Variants in PRKCD observed in about 807,000 individuals in gnomAD.
PRKCD encodes protein kinase C delta type.
In PRKCD, 20 loss-of-function variants were observed where a neutral mutation model predicts 82.2. The observed-to-expected ratio is 0.24, with a 90% CI of 0.17 to 0.35. PRKCD has a LOEUF of 0.35. Among genes scored for constraint, PRKCD ranks in the 10% least tolerant of loss-of-function variants. The probability of loss-of-function intolerance (pLI) is 1.00; values close to 1 mark genes in which losing one functional copy is unlikely to be tolerated. For synonymous variants in PRKCD, 317 were observed against 337.0 expected (o/e 0.94, Z 0.65); for missense variants, 607 against 899.0 (o/e 0.68, Z 4.15).
At chr3:53,186,428 T>A (rs6793352) in intron 13 of PRKCD, 88 bp downstream of exon 13, 3 of 1,549,734 alleles carry the variant, frequency 1.9e-6, no homozygotes, top group East Asian at 4.5e-5. Context: ...GTGTCTCCCC[T>A]TCAGGCCACT....
intron 2 of PRKCD, among the ~76,000 whole-genome samples, chr3:53,170,649 T>G (rs1432264567): frequency 1.3e-5 from 2 of 152,266 alleles, no homozygotes; most frequent in South Asian, 2.1e-4. Flanking sequence ...CAGCCTAGCC[T>G]GACACCAGCT....
intron 2 of PRKCD, among the ~76,000 whole-genome samples, chr3:53,175,077 G>T (rs1009774492): frequency 6.6e-6 from 1 of 152,060 alleles, no homozygotes; most frequent in Non-Finnish European, 1.5e-5. Context: ...GGCAGGCCGG[G>T]GGTAGGGGAA....
At chr3:53,187,512 G>A (rs1191552801) in intron 15 of PRKCD, 110 bp downstream of exon 15, 1 of 1,266,660 alleles carries the variant, frequency 7.9e-7, no homozygotes, top group African/African-American at 1.5e-5. Flanking sequence ...TTCTCTGCTG[G>A]AAATCAATCT....
chr3:53,178,041 G>A lies in PRKCD; in HGVS notation c.-19-363G>A, dbSNP rs182544715. Among the ~76,000 whole-genome samples the A allele has an allele frequency of 4.2e-3, 638 of 151,604 alleles. 5 individuals are homozygous for A. Among genetic ancestry groups the A allele is most frequent in the African/African-American group, 0.014 (596 of 41,288 alleles). Reference sequence around the variant, plus strand: ...GCTCACTGCAACCTCCGCCTCCCGGGTTCAAGTGATTCTCCTGCCTCAGCC... The same window carrying A: ...GCTCACTGCAACCTCCGCCTCCCGGATTCAAGTGATTCTCCTGCCTCAGCC... On this transcript the variant is annotated intron_variant, in intron 2 of 18. Transcript: ENST00000330452.
rs1553670240 is a variant in PRKCD, at chr3:53,189,259, G to A, written c.1743+13G>A. On this transcript the variant is annotated intron_variant, in intron 17 of 18. Coordinates refer to ENST00000330452, the MANE Select transcript of PRKCD (RefSeq NM_006254.4). ...CATCCTGGAGAAGGTGGAGGCCCTG[G>A]GCTGGGCTGGGCTGGTCTGGGCTGG... 1 of 1,446,994 alleles carries A rather than the reference G, an allele frequency of 6.9e-7. No homozygotes were observed. Among genetic ancestry groups the A allele is most frequent in the East Asian group, 2.4e-5 (1 of 42,444 alleles). 89.6% of individuals were successfully genotyped at this position (1,446,994 alleles called of 1,614,324 possible).
chr3:53,186,689 G>A lies in PRKCD; in HGVS notation c.1346G>A (p.Arg449His), dbSNP rs782310444. ...IQDKGRFELY[R>H]ATFYAAEIMC... ...GACAAAGGCCGCTTTGAACTCTACC[G>A]TGCCACGTACGTAAGGGCCATGGTG... The change falls in exon 14 of 19, where the codon CGT becomes CAT. Residue 449 changes from arginine to histidine, a missense_variant. Coordinates refer to ENST00000330452, the MANE Select transcript of PRKCD (RefSeq NM_006254.4). 4 of 1,613,246 alleles carry A rather than the reference G, an allele frequency of 2.5e-6. No individual in the cohort carries two copies. Among genetic ancestry groups the A allele is most frequent in the Admixed American group, 1.7e-5 (1 of 59,978 alleles).
intron 10 of PRKCD, among the ~76,000 whole-genome samples, chr3:53,185,249 G>A (rs557088485): frequency 6.6e-6 from 1 of 152,208 alleles, no homozygotes; most frequent in Non-Finnish European, 1.5e-5. Flanking sequence ...GGGTGTGGAC[G>A]TTTGTATGTG....
chr3:53,167,314 T>C (rs1304051056), intron 2 of PRKCD, among the ~76,000 whole-genome samples: 1 of 152,164 alleles, frequency 6.6e-6, no homozygotes, highest in African/African-American at 2.4e-5. Flanking sequence ...CCAGGCCTTT[T>C]TGGGGGGCTC....
At chr3:53,175,973 A>G (rs1553665829) in intron 2 of PRKCD, among the ~76,000 whole-genome samples, 1 of 152,194 alleles carries the variant, frequency 6.6e-6, no homozygotes, top group Non-Finnish European at 1.5e-5. Flanking sequence ...TCACTCCAGT[A>G]TCAACTGAGT....
chr3:53,181,344 C>G, intron 5 of PRKCD, 77 bp downstream of exon 5: 9 of 1,606,994 alleles, frequency 5.6e-6, no homozygotes, highest in Non-Finnish European at 7.7e-6. Context: ...AGGGAAGCTG[C>G]TCCCTTCGGC....
chr3:53,175,099 T>C (rs1553665633), intron 2 of PRKCD, among the ~76,000 whole-genome samples: 1 of 152,038 alleles, frequency 6.6e-6, no homozygotes, highest in Admixed American at 6.6e-5. Context: ...CCATGGAGCC[T>C]GTGGGCTGTC....
At chr3:53,188,211 A>AAAAAAAAAAAAAAAAT (rs1703784772) in intron 15 of PRKCD, among the ~76,000 whole-genome samples, 1 of 146,632 alleles carries the variant, frequency 6.8e-6, no homozygotes, top group Non-Finnish European at 1.5e-5. Flanking sequence ...AAAAAAAAAA[A>AAAAAAAAAAAAAAAAT]AAAGGTGGGA....
chr3:53,184,760 C>A (rs1233461511), intron 9 of PRKCD, 114 bp from the exon 10 acceptor site: 4 of 743,868 alleles, frequency 5.4e-6, no homozygotes, highest in Non-Finnish European at 9.3e-6. Context: ...AAACTGGAAC[C>A]CAGCAGACCC....
intron 2 of PRKCD, among the ~76,000 whole-genome samples, chr3:53,167,852 T>G (rs1184186469): frequency 6.6e-6 from 1 of 152,188 alleles, no homozygotes; most frequent in African/African-American, 2.4e-5. Flanking sequence ...CCCTCAATTC[T>G]ACCTCCAGTG....
chr3:53,190,865 T>A (rs1703901593), intron 18 of PRKCD, among the ~76,000 whole-genome samples: 1 of 152,216 alleles, frequency 6.6e-6, no homozygotes, highest in African/African-American at 2.4e-5. Flanking sequence ...TGGCTGAGCA[T>A]GTAACTGACA....
intron 4 of PRKCD, 151 bp from the exon 5 acceptor site, chr3:53,181,056 C>T: frequency 1.3e-6 from 1 of 759,184 alleles, no homozygotes; most frequent in Middle Eastern, 3.7e-4. Flanking sequence ...TCAGGCGGGG[C>T]CCTGCCCACA....
chr3:53,175,384 C>T (rs1553665698), intron 2 of PRKCD, among the ~76,000 whole-genome samples: 6 of 152,074 alleles, frequency 3.9e-5, no homozygotes, highest in Non-Finnish European at 8.8e-5. Context: ...GAACCCCCTC[C>T]CCATGGCCTG....
chr3:53,187,222 T>G, intron 14 of PRKCD, 118 bp from the exon 15 acceptor site: 1 of 1,102,226 alleles, frequency 9.1e-7, no homozygotes, highest in Non-Finnish European at 1.4e-6. Context: ...CATGCTCAGG[T>G]GGTCCATGGA....
At chr3:53,191,918 T>C (rs114584573) in intron 18 of PRKCD, among the ~76,000 whole-genome samples, 190 bp from the exon 19 acceptor site, 1 of 152,210 alleles carries the variant, frequency 6.6e-6, no homozygotes, top group Non-Finnish European at 1.5e-5. Context: ...CTGGTCACTT[T>C]CCTCATCCTC....
Sources: allele counts gnomAD v4.1 joint callset (sites outside exome capture counted in the v4.1 genomes callset), GRCh38; gene constraint gnomAD v4.1.1; transcripts MANE v1.5; gene names NCBI Gene and HGNC (gene_info 2026-07-23, HGNC 2026-07-21).